Variants in RTTN observed in about 807,000 individuals in gnomAD.
RTTN encodes rotatin.
In RTTN, 182 loss-of-function variants were observed where a neutral mutation model predicts 269.2. That is an observed-to-expected ratio of 0.68 (90% CI 0.60 to 0.76). The LOEUF is 0.76. Among genes scored for constraint, RTTN ranks in the 30% least tolerant of loss-of-function variants. The pLI, the probability that RTTN is intolerant of heterozygous loss-of-function variation, is 0.00. For missense variants in RTTN, 2,545 were observed against 2,608.6 expected (o/e 0.98, Z 0.53); for synonymous variants, 1,006 against 963.5 (o/e 1.04, Z -0.82).
intron 35 of RTTN, among the ~76,000 whole-genome samples, chr18:70,063,656 A>T (rs2058052036): frequency 2.0e-5 from 3 of 152,232 alleles, no homozygotes; most frequent in Admixed American, 2.0e-4. Context: ...ATTTCAAGGG[A>T]AATCTTTCAG....
At chr18:70,023,006 G>A (rs941783447) in intron 44 of RTTN, among the ~76,000 whole-genome samples, 1 of 152,186 alleles carries the variant, frequency 6.6e-6, no homozygotes, top group Middle Eastern at 3.4e-3. Context: ...TCCCAGTGGC[G>A]CCTGCCTCTG....
In RTTN at chr18:70,025,988, C is replaced by T. The variant is rs566268360; in HGVS notation, c.5824-1140G>A. Among the ~76,000 whole-genome samples, 12 of 152,224 alleles carry T rather than the reference C, an allele frequency of 7.9e-5. No homozygotes were observed. In the South Asian group the frequency reaches 1.9e-3, roughly 24 times the overall value. On this transcript the variant is annotated intron_variant, in intron 43 of 48. Coordinates refer to ENST00000640769, the MANE Select transcript of RTTN (RefSeq NM_173630.4). Reference sequence around the variant, plus strand: ...TCTGTGCCTGTATTCAAGTAGTTTACGTGTTAAGAGAAACAAACATACTCA... The same window carrying T: ...TCTGTGCCTGTATTCAAGTAGTTTATGTGTTAAGAGAAACAAACATACTCA...
chr18:70,015,277 G>A (rs183976208), intron 46 of RTTN, among the ~76,000 whole-genome samples: 6 of 152,162 alleles, frequency 3.9e-5, no homozygotes. Flanking sequence ...TGGCCAGACT[G>A]ATCTCAAACT....
chr18:70,077,689 C>T (rs1252579202), intron 32 of RTTN, among the ~76,000 whole-genome samples: 2 of 151,780 alleles, frequency 1.3e-5, no homozygotes, highest in Non-Finnish European at 2.9e-5. Flanking sequence ...AATATAAACA[C>T]AGACTTAGAA....
At chr18:70,092,640 A>G in intron 29 of RTTN, 36 bp downstream of exon 29, 1 of 1,594,462 alleles carries the variant, frequency 6.3e-7, no homozygotes, top group South Asian at 1.1e-5. Flanking sequence ...CCTTTCAAGC[A>G]AATGTTCAGA....
intron 10 of RTTN, among the ~76,000 whole-genome samples, chr18:70,177,184 G>A (rs2061323560): frequency 6.6e-6 from 1 of 152,058 alleles, no homozygotes; most frequent in Non-Finnish European, 1.5e-5. Flanking sequence ...AATTTGGAAC[G>A]TTAACACGCA....
At chr18:70,169,163 T>A in intron 11 of RTTN, 96 bp from the exon 12 acceptor site, 1 of 849,602 alleles carries the variant, frequency 1.2e-6, no homozygotes, top group Non-Finnish European at 1.7e-6. Flanking sequence ...CTAATCCAAC[T>A]TCCTTTTTAG....
intron 26 of RTTN, among the ~76,000 whole-genome samples, chr18:70,115,677 T>C (rs1568407998): frequency 6.6e-6 from 1 of 151,942 alleles, no homozygotes; most frequent in Non-Finnish European, 1.5e-5. Context: ...AGCATCTTAC[T>C]CCAAAGCTAG....
chr18:70,041,234 A>T (rs1174883045), intron 40 of RTTN, among the ~76,000 whole-genome samples: 1 of 151,756 alleles, frequency 6.6e-6, no homozygotes, highest in Admixed American at 6.6e-5. Context: ...AAATAAAAAT[A>T]AAAAATAAAA....
At chr18:70,198,063 C>T (rs1276452979) in intron 5 of RTTN, among the ~76,000 whole-genome samples, 3 of 152,132 alleles carry the variant, frequency 2.0e-5, no homozygotes, top group African/African-American at 7.2e-5. Context: ...TCAATGAGGT[C>T]AAAGAGCACA....
chr18:70,022,761 C>T (rs116147891), intron 44 of RTTN, among the ~76,000 whole-genome samples: 17 of 152,272 alleles, frequency 1.1e-4, no homozygotes, highest in African/African-American at 3.4e-4. Context: ...ACTGAGCATG[C>T]CCTTCTCTGA....
intron 30 of RTTN, 55 bp downstream of exon 30, chr18:70,092,055 G>T: frequency 3.5e-6 from 4 of 1,153,670 alleles, no homozygotes; most frequent in Non-Finnish European, 3.9e-6. Flanking sequence ...ACCTGGCCCC[G>T]TGTCATTTGT....
intron 10 of RTTN, among the ~76,000 whole-genome samples, chr18:70,182,052 A>G (rs2061432319): frequency 6.6e-6 from 1 of 152,194 alleles, no homozygotes; most frequent in Admixed American, 6.5e-5. Context: ...CACACTTCAA[A>G]GGAAAAATTT....
In RTTN at chr18:70,193,455, T is replaced by C. The variant is rs1226957639; in HGVS notation, c.842-2A>G. ...AAGAAGAATTTTGGGAAACTGTGTC[T>C]GGGGAAACAAAGAAAAAATAAAATT... On this transcript the variant is annotated splice_acceptor_variant, in intron 7 of 48. Coordinates refer to ENST00000640769, the MANE Select transcript of RTTN (RefSeq NM_173630.4). LOFTEE classifies it high-confidence loss of function. 6.7e-7 allele frequency: 1 copy of C among 1,498,390 alleles called. No homozygotes were observed. The highest frequency in any genetic ancestry group is 8.9e-7 in the Non-Finnish European group (1 of 1,123,066). 92.8% of individuals were successfully genotyped at this position (1,498,390 alleles called of 1,614,324 possible).
chr18:70,160,497 C>A (rs1208264685), intron 14 of RTTN, among the ~76,000 whole-genome samples: 1 of 151,888 alleles, frequency 6.6e-6, no homozygotes, highest in Admixed American at 6.6e-5. Flanking sequence ...TAGAAACAGT[C>A]CCCTTGAGAA....
intron 25 of RTTN, among the ~76,000 whole-genome samples, chr18:70,123,060 T>C (rs1371861080): frequency 2.0e-5 from 3 of 152,150 alleles, no homozygotes; most frequent in Non-Finnish European, 4.4e-5. Context: ...ATTTGTATAA[T>C]ATTTGTTGAA....
intron 30 of RTTN, 53 bp from the exon 31 acceptor site, chr18:70,088,200 T>C (rs938003418): frequency 1.3e-6 from 2 of 1,503,926 alleles, no homozygotes; most frequent in African/African-American, 1.4e-5. Context: ...TTTCCTAACA[T>C]GAATTCTTAG....
At chr18:70,199,321 AG>A in intron 5 of RTTN, 92 bp downstream of exon 5, 1 of 767,928 alleles carries the variant, frequency 1.3e-6, no homozygotes, top group East Asian at 2.7e-5. Context: ...CACTGCCACT[AG>A]TATCTTTTCC....
intron 14 of RTTN, among the ~76,000 whole-genome samples, chr18:70,154,500 T>C (rs2060622601): frequency 6.6e-6 from 1 of 152,336 alleles, no homozygotes. Flanking sequence ...TCTTAGTTTC[T>C]TGACCTATTT....
Sources: gnomAD v4.1 joint callset for allele counts (sites outside exome capture counted in the v4.1 genomes callset) on GRCh38, gnomAD v4.1.1 for gene constraint, MANE v1.5 for transcripts, NCBI Gene and HGNC (gene_info 2026-07-23, HGNC 2026-07-21) for gene names.